Variants in DST observed in about 807,000 individuals in gnomAD.
DST encodes dystonin.
A neutral mutation model predicts 875.2 loss-of-function variants in DST; 253 were observed. That is an observed-to-expected ratio of 0.29 (90% CI 0.26 to 0.32). DST has a LOEUF of 0.32. Ranked by LOEUF, DST falls within the 10% of genes least tolerant of loss-of-function variation. The pLI, the probability that DST is intolerant of heterozygous loss-of-function variation, is 1.00. For synonymous variants in DST, 3,124 were observed against 3,197.1 expected (o/e 0.98, Z 0.77); for missense variants, 8,287 against 9,111.6 (o/e 0.91, Z 3.68).
chr6:56,506,554 G>A lies in DST; in HGVS notation c.19363-10C>T. ...CCCATGCTGAATTTAACTACAAGAT[G>A]TATGTTAGAATTCTTTTAGTGCCAT... On this transcript the variant is annotated splice_polypyrimidine_tract_variant and intron_variant, in intron 76 of 103. Coordinates refer to ENST00000680361, the MANE Select transcript of DST (RefSeq NM_001374736.1). 1.2e-6 allele frequency: 2 copies of A among 1,610,236 alleles called. No homozygotes were observed. Among genetic ancestry groups the A allele is most frequent in the Non-Finnish European group, 1.7e-6 (2 of 1,177,456 alleles).
At chr6:56,779,721 T>G (rs2099688122) in intron 4 of DST, among the ~76,000 whole-genome samples, 1 of 147,160 alleles carries the variant, frequency 6.8e-6, no homozygotes, top group African/African-American at 2.4e-5. Flanking sequence ...TCTTCCTTAT[T>G]CTTTTTTTTT....
chr6:56,464,865 G>C lies in DST; in HGVS notation c.22688-109C>G. 3.9e-6 allele frequency: 3 copies of C among 770,166 alleles called. No homozygotes were observed. In the Admixed American group the frequency reaches 7.2e-5, roughly 18 times the overall value. 47.7% of individuals were successfully genotyped at this position (770,166 alleles called of 1,614,324 possible). On this transcript the variant is annotated intron_variant, in intron 99 of 103. Transcript: ENST00000680361. ...AAAGGGTGCTCACATCTGGCCTTTA[G>C]CACACATTTTAGAAGAAAAGTTGCA...
At chr6:56,799,864 T>C (rs893513246) in intron 4 of DST, among the ~76,000 whole-genome samples, 15 of 152,192 alleles carry the variant, frequency 9.9e-5, no homozygotes, top group Admixed American at 8.5e-4. Context: ...CTTCAAGTGA[T>C]CCACCCCACC....
chr6:56,506,525 G>A lies in DST; in HGVS notation c.19382C>T (p.Ser6461Phe). ...CCGGTCTTTCCAAGCTTTATTTAGA[G>A]AATCCCATGCTGAATTTAACTACAA... is the stretch of plus-strand genomic sequence containing the variant. Reference protein sequence around the residue: ...SIDELNSAWDSLNKAWKDRID... With the variant: ...SIDELNSAWDFLNKAWKDRID... Residue 6461 changes from serine to phenylalanine, a missense_variant, in exon 77 of 104, where the codon TCT becomes TTT. Ser to Phe is a radical substitution (Grantham distance 155). Coordinates refer to ENST00000680361, the MANE Select transcript of DST (RefSeq NM_001374736.1). The A allele has an allele frequency of 6.2e-7, 1 of 1,612,908 alleles. No homozygotes were observed. Among genetic ancestry groups the A allele is most frequent in the Non-Finnish European group, 8.5e-7 (1 of 1,179,382 alleles).
rs768056270 is a variant in DST, at chr6:56,561,298, C to T, written c.14310+10G>A. ...TTCATGTCTTCCATAGGTGCACCCA[C>T]AGAATATACCTTATTCTGCTCAACT... On this transcript the variant is annotated intron_variant, in intron 57 of 103. Coordinates refer to ENST00000680361, the MANE Select transcript of DST (RefSeq NM_001374736.1). The T allele has an allele frequency of 1.9e-6, 3 of 1,602,864 alleles. No homozygotes were observed. The highest frequency in any genetic ancestry group is 2.6e-6 in the Non-Finnish European group (3 of 1,173,336).
At chr6:56,528,335 T>C (rs867401731) in intron 67 of DST, among the ~76,000 whole-genome samples, 12 of 152,216 alleles carry the variant, frequency 7.9e-5, no homozygotes, top group African/African-American at 2.2e-4. Flanking sequence ...GAAATTCCTA[T>C]GGCCAAAGGA....
chr6:56,699,768 A>G lies in DST; in HGVS notation c.955-23T>C, dbSNP rs79081659. 5.2e-3 allele frequency: 6,103 copies of G among 1,166,018 alleles called. 159 individuals carry two copies. The African/African-American group carries it at 0.07, about 13-fold the overall frequency. 72.2% of individuals were successfully genotyped at this position (1,166,018 alleles called of 1,614,324 possible). On this transcript the variant is annotated intron_variant, in intron 8 of 103. Coordinates refer to ENST00000680361, the MANE Select transcript of DST (RefSeq NM_001374736.1). ...CACCTGTTTTGAATGTGAAGAAGAGATAAAACCAACTGTTTATCAAACCTG... is the reference window on the plus strand; with the variant it reads ...CACCTGTTTTGAATGTGAAGAAGAGGTAAAACCAACTGTTTATCAAACCTG...
At chr6:56,886,192 T>G (rs1784602852) in intron 3 of DST, among the ~76,000 whole-genome samples, 1 of 152,178 alleles carries the variant, frequency 6.6e-6, no homozygotes, top group African/African-American at 2.4e-5. Flanking sequence ...TATATTCTTC[T>G]CCCTGGAAGT....
intron 49 of DST, among the ~76,000 whole-genome samples, chr6:56,584,200 C>G (rs1027594236): frequency 6.6e-6 from 1 of 151,890 alleles, no homozygotes; most frequent in Non-Finnish European, 1.5e-5. Flanking sequence ...GCCATTTTCA[C>G]GATATTGATT....
chr6:56,586,875 A>G (rs1264927844), intron 49 of DST, among the ~76,000 whole-genome samples: 1 of 152,196 alleles, frequency 6.6e-6, no homozygotes, highest in Non-Finnish European at 1.5e-5. Context: ...GAAAACTAAC[A>G]AACAGAAAGG....
At chr6:56,843,317 G>C in intron 4 of DST, 1 of 1,224,790 alleles carries the variant, frequency 8.2e-7, no homozygotes, top group South Asian at 3.8e-5. Context: ...GGGGGCTGCC[G>C]GCGCCAGGGC....
At chr6:56,777,087 G>A (rs565027127) in intron 4 of DST, among the ~76,000 whole-genome samples, 9 of 151,326 alleles carry the variant, frequency 5.9e-5, no homozygotes, top group Non-Finnish European at 1.0e-4. Context: ...TTCATGCAGA[G>A]ACAAAAATGC....
intron 3 of DST, among the ~76,000 whole-genome samples, chr6:56,858,055 C>T (rs960155627): frequency 2.6e-5 from 4 of 152,136 alleles, no homozygotes; most frequent in Non-Finnish European, 5.9e-5. Context: ...TTAAGTCTTA[C>T]CTGGAAACCA....
intron 94 of DST, 108 bp downstream of exon 94, chr6:56,471,951 T>G (rs1157234055): frequency 9.1e-7 from 1 of 1,095,808 alleles, no homozygotes; most frequent in Admixed American, 1.7e-5. Context: ...AGCAAGAGTT[T>G]GCTTATTATC....
intron 3 of DST, among the ~76,000 whole-genome samples, chr6:56,873,101 T>C (rs1778115219): frequency 6.6e-6 from 1 of 152,204 alleles, no homozygotes; most frequent in South Asian, 2.1e-4. Context: ...TTAGTGATGT[T>C]GAGCATCTTT....
At chr6:56,897,460 A>C (rs1791996892) in intron 3 of DST, among the ~76,000 whole-genome samples, 1 of 152,076 alleles carries the variant, frequency 6.6e-6, no homozygotes, top group Admixed American at 6.5e-5. Flanking sequence ...CCTCCCGAGT[A>C]GCTGGGATTA....
chr6:56,647,688 G>GTTGTTTTTTTTTTTTTTTTTT (rs1491402943), intron 13 of DST, among the ~76,000 whole-genome samples: 38 of 126,890 alleles, frequency 3.0e-4, no homozygotes, highest in African/African-American at 1.2e-3. Context: ...TTTTTGTAAT[G>GTTGTTTTTTTTTTTTTTTTTT]TTTTTTTTTT....
intron 2 of DST, among the ~76,000 whole-genome samples, chr6:56,927,140 CT>C (rs199720835): frequency 2.0e-5 from 3 of 151,140 alleles, no homozygotes; most frequent in Non-Finnish European, 4.4e-5. Flanking sequence ...GCCAAAAAAG[CT>C]TTTTTTTTAA....
At chr6:56,569,835 T>C in intron 54 of DST, 21 bp downstream of exon 54, 1 of 1,589,464 alleles carries the variant, frequency 6.3e-7, no homozygotes, top group Non-Finnish European at 8.6e-7. Context: ...GGAAATTTAG[T>C]ATTAGATAAC....
Sources: gnomAD v4.1 joint callset for allele counts (sites outside exome capture counted in the v4.1 genomes callset) on GRCh38, gnomAD v4.1.1 for gene constraint, MANE v1.5 for transcripts, NCBI Gene and HGNC (gene_info 2026-07-23, HGNC 2026-07-21) for gene names.